SPEG: variants seen among roughly 807,000 people sequenced by gnomAD.
The protein encoded by SPEG is striated muscle enriched protein kinase, also known as striated muscle preferentially expressed protein kinase.
A neutral mutation model predicts 300.4 loss-of-function variants in SPEG; 114 were observed. The observed-to-expected ratio is 0.38, with a 90% CI of 0.33 to 0.44. The LOEUF is 0.44. SPEG is among the 20% of genes least tolerant of loss of function. The probability of loss-of-function intolerance (pLI) is 1.00; values close to 1 mark genes in which losing one functional copy is unlikely to be tolerated. For missense variants in SPEG, 4,201 were observed against 4,586.2 expected (o/e 0.92, Z 2.43); for synonymous variants, 1,964 against 2,018.9 (o/e 0.97, Z 0.73).
rs1246284832 is a variant in SPEG at position 219,476,931 on chromosome 2, C to T, written c.4509C>T (p.Arg1503=). 1.2e-6 allele frequency: 2 copies of T among 1,613,184 alleles called. No individual in the cohort carries two copies. The highest frequency in any genetic ancestry group is 1.7e-6 in the Non-Finnish European group (2 of 1,179,710). ...DVEVGAGETA[R]FAVVVEGKPL... ...AGGTGGGGGCTGGGGAAACTGCTCGCTTTGCGGTGGTGGTCGAGGGAAAAC... is the reference window on the plus strand; with the variant it reads ...AGGTGGGGGCTGGGGAAACTGCTCGTTTTGCGGTGGTGGTCGAGGGAAAAC... Residue 1503 remains arginine, a synonymous_variant, in exon 19 of 41, where the codon CGC becomes CGT. Transcript: ENST00000312358.
At chr2:219,447,003 T>A (rs1357724820) in intron 3 of SPEG, among the ~76,000 whole-genome samples, 1 of 151,578 alleles carries the variant, frequency 6.6e-6, no homozygotes, top group Non-Finnish European at 1.5e-5. Flanking sequence ...CTTATCTTTA[T>A]GTGTGATGTG....
chr2:219,489,836 A>G lies in SPEG; in HGVS notation c.8818A>G (p.Ser2940Gly). 6.2e-7 allele frequency: 1 copy of G among 1,613,402 alleles called. No homozygotes were observed. The highest frequency in any genetic ancestry group is 1.3e-5 in the African/African-American group (1 of 75,026). ...CCTCAGCCCGGCCAAGGAGGTGGTC[A>G]GCTCCCCTGGGAGCAGTCCCCGAAG... ...QSLSPAKEVV[S>G]SPGSSPRSSP... The change falls in exon 36 of 41, where the codon AGC becomes GGC. Residue 2940 changes from serine (S) to glycine (G), a missense_variant. This residue lies in a region of SPEG where 1,578 missense variants were observed against 1,506.0 expected (regional missense o/e 1.05). Transcript: ENST00000312358.
intron 6 of SPEG, among the ~76,000 whole-genome samples, chr2:219,453,735 G>C (rs974172539): frequency 1.1e-4 from 16 of 152,246 alleles, no homozygotes; most frequent in African/African-American, 2.7e-4. Flanking sequence ...CAGGGCCTGG[G>C]GGGCAGGCAT....
Position 219,464,261 on chromosome 2 carries a change from G to A in SPEG, c.2706-172G>A, listed in dbSNP as rs933306970. Among the ~76,000 whole-genome samples, 4 of 152,186 alleles carry A rather than the reference G, an allele frequency of 2.6e-5. No homozygotes were observed. Among genetic ancestry groups the A allele is most frequent in the African/African-American group, 9.6e-5 (4 of 41,454 alleles). On this transcript the variant is annotated intron_variant, in intron 8 of 40. Coordinates refer to ENST00000312358, the MANE Select transcript of SPEG (RefSeq NM_005876.5). This position sits in a 1 kb window ranked among gnomAD's most constrained non-coding sequence, Gnocchi z 4.5. ...TAGAGGTGGGTGGGATGGCAGAGTG[G>A]GGGTAAAAACCTAGCCCTGGAAACC...
Position 219,445,604 on chromosome 2 carries a change from C to G in SPEG, c.815+443C>G, listed in dbSNP as rs549881600. Reference sequence around the variant, plus strand: ...CATGTGGGCCTTTTTCTGGGAGGAACAGAACCTTTCCACACGGCAGCTCCC... The same window carrying G: ...CATGTGGGCCTTTTTCTGGGAGGAAGAGAACCTTTCCACACGGCAGCTCCC... On this transcript the variant is annotated intron_variant, in intron 3 of 40. Coordinates refer to ENST00000312358, the MANE Select transcript of SPEG (RefSeq NM_005876.5). This position sits in a 1 kb window ranked among gnomAD's most constrained non-coding sequence, Gnocchi z 6.1. The G allele has an allele frequency of 5.0e-6, 1 of 199,134 alleles. No homozygotes were observed. The highest frequency in any genetic ancestry group is 1.0e-5 in the Non-Finnish European group (1 of 96,852). The allele number at this position is 199,134 out of a possible 1,614,324, so 12.3% of individuals were successfully genotyped here.
In SPEG at chr2:219,493,132, CAG is replaced by C; in HGVS notation, c.*347_*348del. 2.0e-6 allele frequency: 1 copy of C among 503,424 alleles called. No individual in the cohort carries two copies. Among genetic ancestry groups the C allele is most frequent in the South Asian group, 1.8e-5 (1 of 55,908 alleles). The allele number at this position is 503,424 out of a possible 1,614,324, so 31.2% of individuals were successfully genotyped here. ...TTCTGGGTTGGGGGTCAGTGCATCT[CAG>C]GGAGAACCAAGGAAGGTGGGCATGG... On this transcript the variant is annotated 3_prime_UTR_variant, in exon 41 of 41. Transcript: ENST00000312358.
chr2:219,448,902 C>T lies in SPEG; in HGVS notation c.1744C>T (p.Pro582Ser). 5 of 1,456,052 alleles carry T rather than the reference C, an allele frequency of 3.4e-6. No homozygotes were observed. The highest frequency in any genetic ancestry group is 2.0e-4 in the Middle Eastern group (1 of 5,060). 90.2% of individuals were successfully genotyped at this position (1,456,052 alleles called of 1,614,324 possible). Residue 582 changes from proline (P) to serine (S), a missense_variant, in exon 4 of 41, where the codon CCG becomes TCG. Coordinates refer to ENST00000312358, the MANE Select transcript of SPEG (RefSeq NM_005876.5). ...RSRGPAGRTE[P>S]GEGPQQEVRR... ...CCGCGGGCCGGCGGGCAGGACAGAGCCGGGGGAAGGCCCGCAGCAGGAGGT... is the reference window on the plus strand; with the variant it reads ...CCGCGGGCCGGCGGGCAGGACAGAGTCGGGGGAAGGCCCGCAGCAGGAGGT...
At position 219,461,367 on chromosome 2, in the gene SPEG, C is replaced by T. The variant is rs148509399; in HGVS notation, c.2441-515C>T. The T allele has an allele frequency of 8.3e-5, 82 of 989,338 alleles. No individual in the cohort carries two copies. The Middle Eastern group carries it at 3.1e-3, about 37-fold the overall frequency. The allele number at this position is 989,338 out of a possible 1,614,324, so 61.3% of individuals were successfully genotyped here. On this transcript the variant is annotated intron_variant, in intron 6 of 40. Transcript: ENST00000312358. ...GGGGGAGGGGCAGGCTAGATAGTGCCGCCTCATTGGCCCTGGACCGAGGTC... is the reference window on the plus strand; with the variant it reads ...GGGGGAGGGGCAGGCTAGATAGTGCTGCCTCATTGGCCCTGGACCGAGGTC...
intron 18 of SPEG, among the ~76,000 whole-genome samples, chr2:219,474,737 C>T (rs938149457): frequency 2.0e-5 from 3 of 152,052 alleles, no homozygotes; most frequent in East Asian, 1.9e-4. Context: ...GAATCCTGGC[C>T]GCCCTTCGGC....
chr2:219,443,033 G>T lies in SPEG; in HGVS notation c.389-1620G>T. 2 of 1,235,268 alleles carry T rather than the reference G, an allele frequency of 1.6e-6. No individual in the cohort carries two copies. The highest frequency in any genetic ancestry group is 2.3e-6 in the Non-Finnish European group (2 of 857,594). The allele number at this position is 1,235,268 out of a possible 1,614,324, so 76.5% of individuals were successfully genotyped here. A position where few individuals can be genotyped will look rare whatever the true frequency, so the allele number is the denominator to read the frequency against. On this transcript the variant is annotated intron_variant, in intron 1 of 40. Transcript: ENST00000312358. The surrounding 1 kb of genome is among the most constrained non-coding windows in gnomAD (Gnocchi z 4.6). Reference sequence around the variant, plus strand: ...GAATGAGTTTCTGCTTGATGTTGCAGGTCTGGATGGGAGGCACAGGGACCT... The same window carrying T: ...GAATGAGTTTCTGCTTGATGTTGCATGTCTGGATGGGAGGCACAGGGACCT...
In SPEG at chr2:219,443,723, G is replaced by A. The variant is rs559325734; in HGVS notation, c.389-930G>A. 9 of 342,214 alleles carry A rather than the reference G, an allele frequency of 2.6e-5. No individual in the cohort carries two copies. In the East Asian group the frequency reaches 4.6e-4, roughly 17 times the overall value. The allele number at this position is 342,214 out of a possible 1,614,324, so 21.2% of individuals were successfully genotyped here. Reference sequence around the variant, plus strand: ...CTCCTAATGGGAGGCCCAGGTCTGCGGCTGGACTGGACACAAGCAGGTGTG... The same window carrying A: ...CTCCTAATGGGAGGCCCAGGTCTGCAGCTGGACTGGACACAAGCAGGTGTG... On this transcript the variant is annotated intron_variant, in intron 1 of 40. Coordinates refer to ENST00000312358, the MANE Select transcript of SPEG (RefSeq NM_005876.5). The surrounding 1 kb of genome is among the most constrained non-coding windows in gnomAD (Gnocchi z 4.6).
At chr2:219,453,131 T>G (rs1689897388) in intron 6 of SPEG, among the ~76,000 whole-genome samples, 1 of 152,226 alleles carries the variant, frequency 6.6e-6, no homozygotes, top group African/African-American at 2.4e-5. Context: ...GGCCCAGGCC[T>G]GGCTCCAGGA....
intron 31 of SPEG, among the ~76,000 whole-genome samples, chr2:219,487,312 A>C (rs1383370619): frequency 3.9e-5 from 6 of 152,202 alleles, no homozygotes; most frequent in South Asian, 2.1e-4. Context: ...TTGCTGGAAC[A>C]GCCTTTCTCT....
intron 1 of SPEG, among the ~76,000 whole-genome samples, chr2:219,440,720 T>G (rs1954840203): frequency 6.6e-6 from 1 of 152,196 alleles, no homozygotes; most frequent in African/African-American, 2.4e-5. Flanking sequence ...GTTGGAATTC[T>G]GGCTCCCTCA....
rs1398960132 is a variant in SPEG, at chr2:219,484,497, T to G, written c.7034T>G (p.Leu2345Arg). 6.2e-7 allele frequency: 1 copy of G among 1,607,064 alleles called. No individual in the cohort carries two copies. The highest frequency in any genetic ancestry group is 8.5e-7 in the Non-Finnish European group (1 of 1,178,420). ...TTCAAGCGCAGCCGCGAGTCGCCCC[T>G]GTCGCTGGGGCTGCGGCTGCTGAGC... is the stretch of plus-strand genomic sequence containing the variant. ...AKFKRSRESPLSLGLRLLSRS... is the reference protein window; with the variant it reads ...AKFKRSRESPRSLGLRLLSRS... The change falls in exon 30 of 41, where the codon CTG becomes CGG. Residue 2345 changes from leucine (L) to arginine (R), a missense_variant. Physicochemically the swap from Leu to Arg is moderately radical, Grantham distance 102 (BLOSUM62 -2). Coordinates refer to ENST00000312358, the MANE Select transcript of SPEG (RefSeq NM_005876.5).
chr2:219,470,451 A>G (rs1013280063), intron 13 of SPEG, among the ~76,000 whole-genome samples: 3 of 151,680 alleles, frequency 2.0e-5, no homozygotes, highest in African/African-American at 7.3e-5. Flanking sequence ...CCTGTCTCCC[A>G]GTCTGCTCTG....
chr2:219,490,942 CGCT>C lies in SPEG; in HGVS notation c.9373_9375del (p.Leu3125del). ...AGGCCCCTTGGCCACCGCACGGGCA[CGCT>C]GGAGTTCATGGGTGAGGGGACCAGC... On this transcript the variant is annotated inframe_deletion, in exon 38 of 41. Transcript: ENST00000312358. 6.2e-7 allele frequency: 1 copy of C among 1,612,478 alleles called. No homozygotes were observed.
rs541573511 is a variant in SPEG at position 219,443,750 on chromosome 2, G to A, written c.389-903G>A. Reference sequence around the variant, plus strand: ...CTGGACTGGACACAAGCAGGTGTGTGTGTGTGTGTGTGCATGTGTGTGTGT... The same window carrying A: ...CTGGACTGGACACAAGCAGGTGTGTATGTGTGTGTGTGCATGTGTGTGTGT... On this transcript the variant is annotated intron_variant, in intron 1 of 40. Coordinates refer to ENST00000312358, the MANE Select transcript of SPEG (RefSeq NM_005876.5). This position sits in a 1 kb window ranked among gnomAD's most constrained non-coding sequence, Gnocchi z 4.6. The A allele has an allele frequency of 5.6e-6, 2 of 356,350 alleles. No individual in the cohort carries two copies. Among genetic ancestry groups the A allele is most frequent in the East Asian group, 1.5e-4 (2 of 13,474 alleles). The allele number at this position is 356,350 out of a possible 1,614,324, so 22.1% of individuals were successfully genotyped here. A position where few individuals can be genotyped will look rare whatever the true frequency, so the allele number is the denominator to read the frequency against.
At position 219,468,709 on chromosome 2, in the gene SPEG, C is replaced by T. The variant is rs756670136; in HGVS notation, c.3274C>T (p.Pro1092Ser). Residue 1092 changes from proline to serine, a missense_variant, in exon 11 of 41, where the codon CCC becomes TCC. By Grantham distance (74) the Pro-to-Ser change is moderately conservative. Around this residue, in one of 4 missense-constraint regions of SPEG, gnomAD observed 1,047 missense variants for 1,356.8 expected, o/e 0.77. Transcript: ENST00000312358. Reference sequence around the variant, plus strand: ...CGACTGCAAGATCAGTGGCACCCCGCCCCCTGTTGTTACCTGGACTCATTT... The same window carrying T: ...CGACTGCAAGATCAGTGGCACCCCGTCCCCTGTTGTTACCTGGACTCATTT... Reference protein sequence around the residue: ...RFDCKISGTPPPVVTWTHFGC... With the variant: ...RFDCKISGTPSPVVTWTHFGC... 1 of 1,614,134 alleles carries T rather than the reference C, an allele frequency of 6.2e-7. No individual in the cohort carries two copies. The highest frequency in any genetic ancestry group is 8.5e-7 in the Non-Finnish European group (1 of 1,180,006).
Sources: gnomAD v4.1 joint callset for allele counts (sites outside exome capture counted in the v4.1 genomes callset) on GRCh38, gnomAD v4.1.1 for gene constraint, gnomAD v4.1.1 regional missense constraint, Gnocchi (gnomAD v3.1) non-coding constraint, MANE v1.5 for transcripts, NCBI Gene and HGNC (gene_info 2026-07-23, HGNC 2026-07-21) for gene names.